TENM3: variants seen among roughly 807,000 people sequenced by gnomAD.
TENM3 encodes the protein teneurin transmembrane protein 3, also known as teneurin-3.
A neutral mutation model predicts 255.1 loss-of-function variants in TENM3; 63 were observed. The observed-to-expected ratio is 0.25, with a 90% CI of 0.20 to 0.30. The LOEUF (loss-of-function observed/expected upper bound fraction) is 0.30, where lower values mean the gene tolerates loss of function less well. TENM3 is among the 10% of genes least tolerant of loss of function. The pLI is 1.00. For synonymous variants in TENM3, 1,306 were observed against 1,322.3 expected, an observed-to-expected ratio of 0.99 and a Z score of 0.27; for missense variants, 2,929 against 3,461.1, an observed-to-expected ratio of 0.85 and a Z score of 3.86.
chr4:181,459,700 G>A, the TENM3 span, among the ~76,000 whole-genome samples: 1 of 151,834 alleles, frequency 6.6e-6, no homozygotes, highest in Non-Finnish European at 1.5e-5. Flanking sequence ...CTGTCTTCAT[G>A]CCAACATCAC....
chr4:182,434,167 G>C (rs1771874886), intron 3 of TENM3, among the ~76,000 whole-genome samples: 1 of 151,832 alleles, frequency 6.6e-6, no homozygotes, highest in East Asian at 1.9e-4. Context: ...AGAAAACATG[G>C]ATGGAACAGA....
At chr4:182,673,397 G>A (rs1755390425) in intron 7 of TENM3, among the ~76,000 whole-genome samples, 178 bp downstream of exon 7, 1 of 152,062 alleles carries the variant, frequency 6.6e-6, no homozygotes, top group African/African-American at 2.4e-5. Context: ...ATCAGTAGTG[G>A]GAAGAACAAT....
intron 1 of TENM3, among the ~76,000 whole-genome samples, chr4:182,321,714 AG>A (rs1306715228): frequency 3.9e-5 from 6 of 151,910 alleles, no homozygotes; most frequent in Admixed American, 3.3e-4. Flanking sequence ...GGGAGGCTGA[AG>A]TGGGCGGATC....
At chr4:181,979,326 C>T in the TENM3 span, among the ~76,000 whole-genome samples, 1 of 151,018 alleles carries the variant, frequency 6.6e-6, no homozygotes, top group Non-Finnish European at 1.5e-5. Flanking sequence ...TGGATAAAGC[C>T]TCCCGTTTAT....
chr4:181,572,529 T>C, the TENM3 span, among the ~76,000 whole-genome samples: 1 of 152,190 alleles, frequency 6.6e-6, no homozygotes, highest in Admixed American at 6.5e-5. Context: ...GATTTGAACT[T>C]GCTACTTTCT....
the TENM3 span, among the ~76,000 whole-genome samples, chr4:182,101,120 A>AAGGAAAGAAGGGAGGGAGGGAGGG: frequency 1.4e-5 from 1 of 68,978 alleles, no homozygotes; most frequent in African/African-American, 6.7e-5. Context: ...GGAAAGAAGG[A>AAGGAAAGAAGGGAGGGAGGGAGGG]AGGAAAGAAG....
chr4:181,691,011 G>T, the TENM3 span, among the ~76,000 whole-genome samples: 121,127 of 152,092 alleles, frequency 0.8, 48,430 homozygotes, highest in Admixed American at 0.88. Context: ...CTATGCATCT[G>T]CATGCGTGCT....
chr4:181,499,005 C>G, the TENM3 span, among the ~76,000 whole-genome samples: 2 of 152,138 alleles, frequency 1.3e-5, no homozygotes, highest in African/African-American at 4.8e-5. Context: ...CTCTTAATCA[C>G]ACACATTTTA....
the TENM3 span, among the ~76,000 whole-genome samples, chr4:181,597,348 G>A: frequency 2.0e-5 from 3 of 152,152 alleles, no homozygotes; most frequent in East Asian, 3.9e-4. Flanking sequence ...CATAAACGTG[G>A]TGCTAGATTT....
intron 1 of TENM3, among the ~76,000 whole-genome samples, chr4:182,227,375 G>A (rs1232711457): frequency 6.6e-6 from 1 of 152,300 alleles, no homozygotes. Flanking sequence ...CCATGCCGGG[G>A]TATTCAAGGC....
At chr4:181,990,169 C>A in the TENM3 span, among the ~76,000 whole-genome samples, 2 of 152,052 alleles carry the variant, frequency 1.3e-5, no homozygotes, top group African/African-American at 4.8e-5. Flanking sequence ...ATTAAAGGTA[C>A]TTTAAACTAT....
At chr4:181,517,018 C>A in the TENM3 span, among the ~76,000 whole-genome samples, 7 of 152,130 alleles carry the variant, frequency 4.6e-5, no homozygotes, top group Non-Finnish European at 1.5e-5. Context: ...TACTGATGCA[C>A]TGTTCAGCCA....
At chr4:181,571,340 T>TTA in the TENM3 span, among the ~76,000 whole-genome samples, 1 of 152,132 alleles carries the variant, frequency 6.6e-6, no homozygotes, top group African/African-American at 2.4e-5. Context: ...TTATTTTATC[T>TTA]TATATATATT....
the TENM3 span, among the ~76,000 whole-genome samples, chr4:181,909,539 C>A: frequency 6.6e-6 from 1 of 152,214 alleles, no homozygotes; most frequent in African/African-American, 2.4e-5. Flanking sequence ...CTCAGCCCGG[C>A]TGCTGTTCTT....
At chr4:181,605,568 A>AGAGAGAG in the TENM3 span, among the ~76,000 whole-genome samples, 12 of 42,164 alleles carry the variant, frequency 2.8e-4, 1 homozygote, top group African/African-American at 9.5e-4. Flanking sequence ...GAAAGAAAGA[A>AGAGAGAG]AGAGAGAGAA....
At chr4:182,285,603 T>C (rs755135422) in intron 1 of TENM3, among the ~76,000 whole-genome samples, 2 of 152,192 alleles carry the variant, frequency 1.3e-5, no homozygotes, top group Non-Finnish European at 2.9e-5. Flanking sequence ...AGGAAACTGC[T>C]CATTTTAAGC....
At chr4:182,178,722 A>T (rs186590649) in intron 1 of TENM3, among the ~76,000 whole-genome samples, 1 of 152,182 alleles carries the variant, frequency 6.6e-6, no homozygotes, top group East Asian at 1.9e-4. Context: ...TCATTTTCCT[A>T]CAGTGTGTTT....
the TENM3 span, among the ~76,000 whole-genome samples, chr4:181,693,868 A>G: frequency 2.6e-5 from 4 of 152,158 alleles, no homozygotes; most frequent in African/African-American, 9.7e-5. Flanking sequence ...GTCTTCCTGG[A>G]TAAACCTACG....
chr4:182,306,017 G>T (rs987639692), intron 1 of TENM3, among the ~76,000 whole-genome samples: 4 of 152,086 alleles, frequency 2.6e-5, no homozygotes, highest in Non-Finnish European at 4.4e-5. Context: ...GGAGGAGCTG[G>T]AGGTGCCTGG....
Sources: allele counts gnomAD v4.1 joint callset (sites outside exome capture counted in the v4.1 genomes callset), GRCh38; gene constraint gnomAD v4.1.1; transcripts MANE v1.5; gene names NCBI Gene and HGNC (gene_info 2026-07-23, HGNC 2026-07-21).